Variants in RABGGTB observed in about 807,000 individuals in gnomAD.
RABGGTB encodes geranylgeranyl transferase type-2 subunit beta.
RABGGTB carries 20 observed loss-of-function variants against 44.5 expected under a neutral mutation model. The ratio of observed to expected loss-of-function variants is 0.45; its 90% CI spans 0.32 to 0.65. The LOEUF (loss-of-function observed/expected upper bound fraction) is 0.65. Among genes scored for constraint, RABGGTB ranks in the 30% least tolerant of loss-of-function variants. The pLI is 0.05. For synonymous variants in RABGGTB, 128 were observed against 136.7 expected, an observed-to-expected ratio of 0.94 and a Z score of 0.44; for missense variants, 302 against 398.7, an observed-to-expected ratio of 0.76 and a Z score of 2.06.
chr1:75,789,260 T>C lies in RABGGTB; in HGVS notation c.213T>C (p.Ile71=). Residue 71 remains isoleucine (I), a synonymous_variant, in exon 3 of 9, where the codon ATT becomes ATC. Coordinates refer to ENST00000319942, the MANE Select transcript of RABGGTB (RefSeq NM_004582.4). ...TTCATCGCATGAATAGAGAAGAGAT[T>C]CTGGCATTTATTAAGTCTTGCCAAC... ...GQLHRMNREE[I]LAFIKSCQHE... is the part of the protein sequence containing the mutation. The C allele has an allele frequency of 6.2e-7, 1 of 1,614,116 alleles. No individual in the cohort carries two copies. The highest frequency in any genetic ancestry group is 8.5e-7 in the Non-Finnish European group (1 of 1,179,982).
At chr1:75,789,019 A>T in intron 2 of RABGGTB, 140 bp from the exon 3 acceptor site, 1 of 682,046 alleles carries the variant, frequency 1.5e-6, no homozygotes, top group Non-Finnish European at 2.5e-6. Flanking sequence ...CACAGATTTT[A>T]AACTCACTAC....
chr1:75,794,110 G>A lies in RABGGTB; in HGVS notation c.732G>A (p.Trp244Ter), dbSNP rs1354664087. The change falls in exon 8 of 9, where the codon TGG (tryptophan) becomes TGA (stop). Residue 244 changes from tryptophan (W) to a stop codon, truncating the protein, a stop_gained. Transcript: ENST00000319942. LOFTEE classifies it high-confidence loss of function. ...EKLPDVCYSW[W>*]VLASLKIIGR... ...TACCAGATGTATGCTACTCATGGTG[G>A]GTCCTGGCTTCCCTAAAGATAATTG... is the stretch of plus-strand genomic sequence containing the variant. 7 of 1,610,436 alleles carry A rather than the reference G, an allele frequency of 4.3e-6. No homozygotes were observed. The highest frequency in any genetic ancestry group is 5.9e-6 in the Non-Finnish European group (7 of 1,177,860).
rs777256818 is a variant in RABGGTB, at chr1:75,787,532, T to C, written c.39T>C (p.Asp13=). 14 of 1,614,090 alleles carry C rather than the reference T, an allele frequency of 8.7e-6. No individual in the cohort carries two copies. The highest frequency in any genetic ancestry group is 1.2e-5 in the Non-Finnish European group (14 of 1,179,928). Reference sequence around the variant, plus strand: ...AGAAGGATGTTATTATCAAGTCAGATGCACCGGACACTTTGTTATTGGAGA... The same window carrying C: ...AGAAGGATGTTATTATCAAGTCAGACGCACCGGACACTTTGTTATTGGAGA... ...TPQKDVIIKS[D]APDTLLLEKH... is the part of the protein sequence containing the mutation. The change falls in exon 2 of 9, where the codon GAT becomes GAC. Residue 13 remains aspartate (D), a synonymous_variant. Coordinates refer to ENST00000319942, the MANE Select transcript of RABGGTB (RefSeq NM_004582.4).
rs1312031801 is a variant in RABGGTB, at chr1:75,794,600, C to G, written c.946C>G (p.Pro316Ala). 1.9e-6 allele frequency: 3 copies of G among 1,612,758 alleles called. No individual in the cohort carries two copies. The highest frequency in any genetic ancestry group is 1.3e-5 in the African/African-American group (1 of 74,884). The change falls in exon 9 of 9, where the codon CCT becomes GCT. Residue 316 changes from proline (P) to alanine (A), a missense_variant. This residue lies in a region of RABGGTB where 213 missense variants were observed against 323.7 expected (regional missense o/e 0.66). Transcript: ENST00000319942. ...IKPVNPVFCM[P>A]EEVLQRVNVQ... ...ACCTGTTAATCCTGTCTTTTGCATG[C>G]CTGAAGAAGTGCTTCAGAGAGTGAA...
Position 75,792,324 on chromosome 1 carries a change from A to G in RABGGTB, c.705+18A>G, listed in dbSNP as rs757272896. On this transcript the variant is annotated intron_variant, in intron 7 of 8. Coordinates refer to ENST00000319942, the MANE Select transcript of RABGGTB (RefSeq NM_004582.4). Reference sequence around the variant, plus strand: ...CGGAGAAGGTATTGTTTGATAAGCCATATTCTGCTAGCTTTAGAACCTTGA... The same window carrying G: ...CGGAGAAGGTATTGTTTGATAAGCCGTATTCTGCTAGCTTTAGAACCTTGA... The G allele has an allele frequency of 2.4e-5, 39 of 1,611,282 alleles. No individual in the cohort carries two copies. Among genetic ancestry groups the G allele is most frequent in the Non-Finnish European group, 3.2e-5 (38 of 1,177,786 alleles).
chr1:75,789,793 T>C (rs1351459466), intron 3 of RABGGTB, 159 bp from the exon 4 acceptor site: 28 of 605,086 alleles, frequency 4.6e-5, no homozygotes, highest in Non-Finnish European at 5.8e-6. Flanking sequence ...TTCTTGATAC[T>C]ATCTAATTTT....
At chr1:75,794,372 G>A in intron 8 of RABGGTB, 138 bp from the exon 9 acceptor site, 3 of 1,300,762 alleles carry the variant, frequency 2.3e-6, no homozygotes, top group Non-Finnish European at 3.2e-6. Flanking sequence ...AGTGTATGAA[G>A]GATATAGAAC....
At chr1:75,786,798 G>T in intron 1 of RABGGTB, 1 of 306,276 alleles carries the variant, frequency 3.3e-6, no homozygotes. Context: ...CGGATTAAAG[G>T]TGGAGAAGAT....
chr1:75,787,535 A>G lies in RABGGTB; in HGVS notation c.42A>G (p.Ala14=), dbSNP rs1327072267. The G allele has an allele frequency of 6.2e-7, 1 of 1,614,086 alleles. No homozygotes were observed. The highest frequency in any genetic ancestry group is 2.2e-5 in the East Asian group (1 of 44,876). ...AGGATGTTATTATCAAGTCAGATGC[A>G]CCGGACACTTTGTTATTGGAGAAAC... is the stretch of plus-strand genomic sequence containing the variant. ...PQKDVIIKSD[A]PDTLLLEKHA... Residue 14 remains alanine, a synonymous_variant, in exon 2 of 9, where the codon GCA becomes GCG. Coordinates refer to ENST00000319942, the MANE Select transcript of RABGGTB (RefSeq NM_004582.4).
Position 75,789,342 on chromosome 1 carries a change from C to G in RABGGTB, c.295C>G (p.Leu99Val). The G allele has an allele frequency of 1.9e-6, 3 of 1,613,716 alleles. No individual in the cohort carries two copies. Among genetic ancestry groups the G allele is most frequent in the Non-Finnish European group, 2.5e-6 (3 of 1,179,676 alleles). ...IGHDPHLLYT[L>V]SAVQILTLYD... ...ACATGATCCTCATCTTTTATACACT[C>G]TTAGTGCTGTCCAGGTAAATACTAA... The change falls in exon 3 of 9, where the codon CTT (leucine) becomes GTT (valine). Residue 99 changes from leucine (L) to valine (V), a missense_variant. Physicochemically the swap from Leu to Val is conservative, Grantham distance 32 (BLOSUM62 1). This residue lies in a region of RABGGTB where 213 missense variants were observed against 323.7 expected (regional missense o/e 0.66). Coordinates refer to ENST00000319942, the MANE Select transcript of RABGGTB (RefSeq NM_004582.4).
At position 75,790,531 on chromosome 1, in the gene RABGGTB, A is replaced by G. The variant is rs1169741121; in HGVS notation, c.415+474A>G. On this transcript the variant is annotated intron_variant, in intron 4 of 8. Coordinates refer to ENST00000319942, the MANE Select transcript of RABGGTB (RefSeq NM_004582.4). The stretch of plus-strand genomic sequence containing the variant: ...TTATAAAGTAGGGTAAGTTTATTTC[A>G]TTATTAGAAATGGACTAATACTTTG... 1.1e-5 allele frequency: 11 copies of G among 960,172 alleles called. No homozygotes were observed. In the East Asian group the frequency reaches 9.9e-4, roughly 86 times the overall value. The allele number at this position is 960,172 out of a possible 1,614,324, so 59.5% of individuals were successfully genotyped here.
intron 3 of RABGGTB, chr1:75,789,652 CTT>C: frequency 1.7e-6 from 1 of 605,330 alleles, no homozygotes; most frequent in Non-Finnish European, 3.0e-6. Context: ...GGTTTAAAGT[CTT>C]TCTGGTACTA....
intron 6 of RABGGTB, 93 bp from the exon 7 acceptor site, chr1:75,792,074 CAAGAAGAAAAACTT>C: frequency 9.9e-7 from 1 of 1,006,768 alleles, no homozygotes; most frequent in African/African-American, 1.6e-5. Context: ...AGTGTCAGAT[CAAGAAGAAAAACTT>C]AAGATATAAA....
chr1:75,787,724 G>T (rs1205574262), intron 2 of RABGGTB, 120 bp downstream of exon 2: 19 of 806,080 alleles, frequency 2.4e-5, no homozygotes, highest in Middle Eastern at 2.3e-4. Context: ...CTGAGGATGT[G>T]CTGTGCCTTT....
chr1:75,786,898 A>T, intron 1 of RABGGTB: 2 of 335,952 alleles, frequency 6.0e-6, no homozygotes, highest in Non-Finnish European at 1.1e-5. Context: ...TTAAGCAAGA[A>T]TTCGCTTGCA....
rs770958961 is a variant in RABGGTB at position 75,787,507 on chromosome 1, A to G, written c.14A>G (p.Gln5Arg). MGTP[Q>R]KDVIIKSDAP... ...ACTTTATTTTGAAAGGGCACTCCAC[A>G]GAAGGATGTTATTATCAAGTCAGAT... Residue 5 changes from glutamine (Q) to arginine (R), a missense_variant, in exon 2 of 9, where the codon CAG (glutamine) becomes CGG (arginine). Physicochemically the swap from Gln to Arg is conservative, Grantham distance 43 (BLOSUM62 1). Around this residue, in one of 2 missense-constraint regions of RABGGTB, gnomAD observed 89 missense variants for 75.0 expected, o/e 1.19. Coordinates refer to ENST00000319942, the MANE Select transcript of RABGGTB (RefSeq NM_004582.4). The G allele has an allele frequency of 6.2e-7, 1 of 1,613,478 alleles. No homozygotes were observed. Among genetic ancestry groups the G allele is most frequent in the Non-Finnish European group, 8.5e-7 (1 of 1,179,388 alleles).
chr1:75,791,236 A>G (rs762577525), intron 4 of RABGGTB, 49 bp from the exon 5 acceptor site: 2 of 1,464,796 alleles, frequency 1.4e-6, no homozygotes, highest in Middle Eastern at 1.7e-4. Flanking sequence ...TAGATGACTC[A>G]TGTATGATTT....
chr1:75,787,717 A>T (rs1445734040), intron 2 of RABGGTB, 113 bp downstream of exon 2: 8 of 839,804 alleles, frequency 9.5e-6, no homozygotes, highest in Non-Finnish European at 1.6e-5. Context: ...CAGAGAACTG[A>T]GGATGTGCTG....
At chr1:75,791,162 C>A in intron 4 of RABGGTB, 123 bp from the exon 5 acceptor site, 1 of 840,502 alleles carries the variant, frequency 1.2e-6, no homozygotes, top group South Asian at 1.6e-5. Context: ...TTCCTCCTGA[C>A]TACCCTAAAG....
Sources: gnomAD v4.1 joint callset for allele counts on GRCh38, gnomAD v4.1.1 for gene constraint, gnomAD v4.1.1 regional missense constraint, MANE v1.5 for transcripts, NCBI Gene and HGNC (gene_info 2026-07-23, HGNC 2026-07-21) for gene names.